SLC24A4: variants seen among roughly 807,000 people sequenced by gnomAD.
SLC24A4 encodes sodium/potassium/calcium exchanger 4.
A neutral mutation model predicts 79.0 loss-of-function variants in SLC24A4; 53 were observed. The ratio of observed to expected loss-of-function variants is 0.67; its 90% confidence interval spans 0.54 to 0.84. SLC24A4 has a LOEUF of 0.84. SLC24A4 is among the 40% of genes least tolerant of loss of function. The probability of loss-of-function intolerance (pLI) is 0.00; values close to 1 mark genes in which losing one functional copy is unlikely to be tolerated. For missense variants in SLC24A4, 731 were observed against 822.0 expected, an observed-to-expected ratio of 0.89 and a Z score of 1.35; for synonymous variants, 323 against 323.8, an observed-to-expected ratio of 1.00 and a Z score of 0.03.
intron 2 of SLC24A4, among the ~76,000 whole-genome samples, chr14:92,414,502 A>G (rs984879196): frequency 6.6e-6 from 1 of 152,212 alleles, no homozygotes; most frequent in Non-Finnish European, 1.5e-5. Flanking sequence ...TTGGGAGGCC[A>G]AAGTGGGAGG....
chr14:92,401,574 C>T (rs1198884807), intron 2 of SLC24A4, among the ~76,000 whole-genome samples: 1 of 152,130 alleles, frequency 6.6e-6, no homozygotes, highest in Non-Finnish European at 1.5e-5. Context: ...ACAAAGGGCC[C>T]CTCTTTGGAA....
intron 2 of SLC24A4, among the ~76,000 whole-genome samples, chr14:92,341,848 G>A (rs966380273): frequency 6.6e-6 from 1 of 152,204 alleles, no homozygotes; most frequent in Non-Finnish European, 1.5e-5. Context: ...TCTAATTTCT[G>A]AGTGATTCTT....
chr14:92,402,542 A>G (rs1448498365), intron 2 of SLC24A4, among the ~76,000 whole-genome samples: 5 of 152,182 alleles, frequency 3.3e-5, no homozygotes, highest in Non-Finnish European at 7.3e-5. Context: ...ACCATTCTAT[A>G]TTAGTCAATT....
At chr14:92,332,051 G>C (rs1885509342) in intron 2 of SLC24A4, among the ~76,000 whole-genome samples, 1 of 152,152 alleles carries the variant, frequency 6.6e-6, no homozygotes, top group Non-Finnish European at 1.5e-5. Flanking sequence ...GGCTGAGGCA[G>C]GCAGATCACT....
At chr14:92,425,468 G>A (rs143900011) in intron 2 of SLC24A4, among the ~76,000 whole-genome samples, 93 of 152,300 alleles carry the variant, frequency 6.1e-4, no homozygotes, top group African/African-American at 2.2e-3. Context: ...GCTGTCATTG[G>A]CAAAACATGA....
At chr14:92,378,804 A>G (rs1247665361) in intron 2 of SLC24A4, among the ~76,000 whole-genome samples, 2 of 152,242 alleles carry the variant, frequency 1.3e-5, no homozygotes, top group African/African-American at 4.8e-5. Context: ...AGTCCTAGCT[A>G]CTCAGGAGAC....
chr14:92,340,988 G>T (rs757095278), intron 2 of SLC24A4, among the ~76,000 whole-genome samples: 1 of 152,190 alleles, frequency 6.6e-6, no homozygotes, highest in African/African-American at 2.4e-5. Flanking sequence ...TTCTCAGGTG[G>T]ACAACCAGTT....
At chr14:92,491,854 C>T in intron 15 of SLC24A4, 77 bp downstream of exon 15, 3 of 1,169,586 alleles carry the variant, frequency 2.6e-6, no homozygotes, top group East Asian at 2.3e-5. Context: ...GCCAGAGGCT[C>T]TAGGAGACGA....
At chr14:92,341,623 A>C (rs1886146106) in intron 2 of SLC24A4, among the ~76,000 whole-genome samples, 1 of 152,232 alleles carries the variant, frequency 6.6e-6, no homozygotes, top group Non-Finnish European at 1.5e-5. Context: ...GGGCATTGTC[A>C]GACCTGGGAG....
chr14:92,346,950 G>C (rs890538368), intron 2 of SLC24A4, among the ~76,000 whole-genome samples: 1 of 152,142 alleles, frequency 6.6e-6, no homozygotes, highest in Non-Finnish European at 1.5e-5. Context: ...TGTGCTATGG[G>C]GCTGGGGTAA....
intron 2 of SLC24A4, among the ~76,000 whole-genome samples, chr14:92,394,572 T>C (rs1889664468): frequency 6.6e-6 from 1 of 152,158 alleles, no homozygotes; most frequent in Non-Finnish European, 1.5e-5. Context: ...CAAAAATATA[T>C]ATGTAGACTT....
Position 92,446,938 on chromosome 14 carries a change from G to A in SLC24A4, c.684-433G>A, listed in dbSNP as rs148721021. ...CAGTCAGCTCTCAGGCCCTACTTCC[G>A]GGACTGGGGCCCCTTTCCTCCCACA... On this transcript the variant is annotated intron_variant, in intron 8 of 16. Transcript: ENST00000532405. Among the ~76,000 whole-genome samples the A allele has an allele frequency of 4.1e-4, 62 of 152,302 alleles. 2 individuals are homozygous for A. In the East Asian group the frequency reaches 0.011, roughly 27 times the overall value.
rs769529200 is a variant in SLC24A4 at position 92,439,308 on chromosome 14, C to T, written c.319-27C>T. 2.5e-6 allele frequency: 4 copies of T among 1,604,436 alleles called. No individual in the cohort carries two copies. The Admixed American group carries it at 6.7e-5, about 27-fold the overall frequency. On this transcript the variant is annotated intron_variant, in intron 3 of 16. Coordinates refer to ENST00000532405, the MANE Select transcript of SLC24A4 (RefSeq NM_153646.4). ...AGCTGCAGCAGGGACCCTCACCGAC[C>T]CTGCCTGTCTCCTCTCTCCTTTGCA...
chr14:92,427,542 G>A (rs371466279), intron 2 of SLC24A4, among the ~76,000 whole-genome samples: 1 of 152,238 alleles, frequency 6.6e-6, no homozygotes, highest in South Asian at 2.1e-4. Flanking sequence ...CACCAGTTAC[G>A]GGTCAGTGCA....
chr14:92,430,401 A>T (rs1566760579), intron 2 of SLC24A4, among the ~76,000 whole-genome samples: 2 of 152,216 alleles, frequency 1.3e-5, no homozygotes, highest in Non-Finnish European at 2.9e-5. Context: ...TTTGTGTGTA[A>T]AGAAAACAGC....
At chr14:92,393,483 A>G (rs1038266881) in intron 2 of SLC24A4, among the ~76,000 whole-genome samples, 2 of 150,670 alleles carry the variant, frequency 1.3e-5, no homozygotes, top group African/African-American at 4.9e-5. Context: ...CCGCCTGAAC[A>G]GGTCTGGTCG....
intron 2 of SLC24A4, among the ~76,000 whole-genome samples, chr14:92,371,640 C>T (rs1018593965): frequency 1.3e-5 from 2 of 152,214 alleles, no homozygotes; most frequent in African/African-American, 4.8e-5. Context: ...GGACCCCTCT[C>T]TACAACACAG....
intron 2 of SLC24A4, among the ~76,000 whole-genome samples, chr14:92,396,773 G>A (rs183989689): frequency 6.1e-4 from 93 of 152,126 alleles, no homozygotes; most frequent in Non-Finnish European, 1.0e-3. Context: ...TTGGTAGTCC[G>A]CATCCTTTTT....
At chr14:92,368,078 C>G (rs1370935597) in intron 2 of SLC24A4, among the ~76,000 whole-genome samples, 1 of 152,200 alleles carries the variant, frequency 6.6e-6, no homozygotes, top group Non-Finnish European at 1.5e-5. Flanking sequence ...GCAGACATAT[C>G]TTATTAGTGA....
Sources: allele counts gnomAD v4.1 joint callset (sites outside exome capture counted in the v4.1 genomes callset), GRCh38; gene constraint gnomAD v4.1.1; transcripts MANE v1.5; gene names NCBI Gene and HGNC (gene_info 2026-07-23, HGNC 2026-07-21).